The following ALCAM variants were observed in gnomAD, a reference collection of about 807,000 sequenced individuals.
The protein encoded by ALCAM is activated leukocyte cell adhesion molecule.
Under a neutral mutation model 70.9 loss-of-function variants are expected in ALCAM, and 30 were observed. The observed-to-expected ratio is 0.42, with a 90% CI of 0.32 to 0.57. The LOEUF (loss-of-function observed/expected upper bound fraction) is 0.57. Ranked by LOEUF, ALCAM falls within the 20% of genes least tolerant of loss-of-function variation. The pLI is 0.11. For synonymous variants in ALCAM, 249 were observed against 242.5 expected, an observed-to-expected ratio of 1.03 and a Z score of -0.25; for missense variants, 591 against 695.1, an observed-to-expected ratio of 0.85 and a Z score of 1.68.
chr3:105,410,833 A>C (rs1259150918), intron 1 of ALCAM, among the ~76,000 whole-genome samples: 1 of 78,004 alleles, frequency 1.3e-5, no homozygotes, highest in Non-Finnish European at 2.6e-5. Context: ...ATTGTGGGGC[A>C]CTTTGAAAAT....
chr3:105,495,338 T>C (rs530854266), intron 1 of ALCAM, among the ~76,000 whole-genome samples: 1 of 152,150 alleles, frequency 6.6e-6, no homozygotes, highest in East Asian at 1.9e-4. Flanking sequence ...TCTCTATAAG[T>C]AGGAAACTTT....
chr3:105,490,957 T>G (rs958450384), intron 1 of ALCAM, among the ~76,000 whole-genome samples: 2 of 152,216 alleles, frequency 1.3e-5, no homozygotes, highest in African/African-American at 4.8e-5. Flanking sequence ...ACTCCACATT[T>G]CCCTTCTGCA....
chr3:105,506,268 T>TA (rs1939075335), intron 1 of ALCAM, among the ~76,000 whole-genome samples: 1 of 152,208 alleles, frequency 6.6e-6, no homozygotes, highest in South Asian at 2.1e-4. Flanking sequence ...GTGGTGTTCT[T>TA]ATTAGCTGTT....
intron 3 of ALCAM, among the ~76,000 whole-genome samples, chr3:105,526,402 A>C (rs1939707122): frequency 6.6e-6 from 1 of 152,164 alleles, no homozygotes; most frequent in Non-Finnish European, 1.5e-5. Context: ...CTAATTCAAT[A>C]AAATTTATCA....
chr3:105,474,604 AG>A (rs1371624416), intron 1 of ALCAM, among the ~76,000 whole-genome samples: 2 of 143,018 alleles, frequency 1.4e-5, no homozygotes, highest in African/African-American at 2.7e-5. Context: ...CGAAAAAAAA[AG>A]AGAGAGAGAG....
chr3:105,517,900 G>A lies in ALCAM; in HGVS notation c.74-2167G>A, dbSNP rs181023498. ...AGTAGGTGCCCATTAGATGCTAGGC[G>A]TTGTTTCTGGAGATACAAAGCTTAA... On this transcript the variant is annotated intron_variant, in intron 1 of 15. Coordinates refer to ENST00000306107, the MANE Select transcript of ALCAM (RefSeq NM_001627.4). Among the ~76,000 whole-genome samples, 62 of 152,174 alleles carry A rather than the reference G, an allele frequency of 4.1e-4. 2 individuals are homozygous for A. The highest frequency in any genetic ancestry group is 2.2e-3 in the Admixed American group (33 of 15,284).
At position 105,444,772 on chromosome 3, in the gene ALCAM, C is replaced by T. The variant is rs548687899; in HGVS notation, c.74-75295C>T. On this transcript the variant is annotated intron_variant, in intron 1 of 15. Transcript: ENST00000306107. ...ATGCTCTTCATCTCCCTATTTCTAT[C>T]TTTTTTAAAGAAAAGCAGTCAATTA... Among the ~76,000 whole-genome samples, 9 of 152,152 alleles carry T rather than the reference C, an allele frequency of 5.9e-5. No individual in the cohort carries two copies. In the South Asian group the frequency reaches 1.9e-3, roughly 32 times the overall value.
chr3:105,376,062 G>T (rs1935368491), intron 1 of ALCAM, among the ~76,000 whole-genome samples: 1 of 152,038 alleles, frequency 6.6e-6, no homozygotes, highest in African/African-American at 2.4e-5. Flanking sequence ...ATTATGGAAA[G>T]TTCAGTGTGT....
chr3:105,539,853 T>G, intron 6 of ALCAM, 122 bp from the exon 7 acceptor site: 1 of 981,470 alleles, frequency 1.0e-6, no homozygotes, highest in Non-Finnish European at 1.5e-6. Flanking sequence ...AAAGGTATAT[T>G]TAAGCAATTA....
intron 1 of ALCAM, among the ~76,000 whole-genome samples, chr3:105,427,751 G>T (rs1936827238): frequency 6.6e-6 from 1 of 151,818 alleles, no homozygotes; most frequent in Admixed American, 6.6e-5. Context: ...CCGATTTTTA[G>T]ATACACCCAG....
intron 1 of ALCAM, chr3:105,440,878 G>A (rs1305242344): frequency 2.0e-5 from 3 of 152,164 alleles, no homozygotes; most frequent in Non-Finnish European, 4.4e-5. Flanking sequence ...GAGTTACTCT[G>A]GTAGTCCTGG....
intron 1 of ALCAM, among the ~76,000 whole-genome samples, chr3:105,507,896 AC>A (rs896806200): frequency 2.0e-5 from 3 of 151,888 alleles, no homozygotes; most frequent in African/African-American, 7.3e-5. Flanking sequence ...CTACTGTGCT[AC>A]CCCTGCCGTT....
chr3:105,402,176 A>G (rs954008930), intron 1 of ALCAM, among the ~76,000 whole-genome samples: 2 of 152,226 alleles, frequency 1.3e-5, no homozygotes, highest in African/African-American at 2.4e-5. Flanking sequence ...TTTATACTCA[A>G]TGGAAATATT....
intron 1 of ALCAM, among the ~76,000 whole-genome samples, chr3:105,508,595 C>A (rs1295329699): frequency 6.6e-6 from 1 of 152,016 alleles, no homozygotes; most frequent in African/African-American, 2.4e-5. Context: ...ATTTCTAGGT[C>A]TATTTAATCT....
Position 105,367,114 on chromosome 3 carries a change from G to T in ALCAM, c.-295G>T. On this transcript the variant is annotated 5_prime_UTR_variant, in exon 1 of 16. Transcript: ENST00000306107. ...CGAAAAGAACCGCTTACACCTTTCC[G>T]AATTACTCAAGTGTCTCCTGGAAAC... The T allele has an allele frequency of 2.5e-6, 1 of 400,028 alleles. No individual in the cohort carries two copies. Among genetic ancestry groups the T allele is most frequent in the Non-Finnish European group, 4.7e-6 (1 of 214,920 alleles). 24.8% of individuals were successfully genotyped at this position (400,028 alleles called of 1,614,324 possible).
In ALCAM at chr3:105,438,344, G is replaced by A. The variant is rs150598266; in HGVS notation, c.73+70863G>A. Among the ~76,000 whole-genome samples, 179 of 151,882 alleles carry A rather than the reference G, an allele frequency of 1.2e-3. 2 individuals carry two copies. In the East Asian group the frequency reaches 0.029, roughly 25 times the overall value. ...TATTATTCATAATTCGGACTCCTTG[G>A]CATTTTACTTACTTATCTTTATACA... On this transcript the variant is annotated intron_variant, in intron 1 of 15. Transcript: ENST00000306107.
At chr3:105,568,654 G>C (rs560330816) in intron 14 of ALCAM, among the ~76,000 whole-genome samples, 28 of 152,162 alleles carry the variant, frequency 1.8e-4, no homozygotes, top group Non-Finnish European at 3.4e-4. Context: ...CCACCCTGTG[G>C]CTGTCTCCTT....
intron 1 of ALCAM, among the ~76,000 whole-genome samples, chr3:105,368,953 G>A (rs1449909289): frequency 6.6e-6 from 1 of 152,172 alleles, no homozygotes; most frequent in African/African-American, 2.4e-5. Flanking sequence ...GTGTCCTAGT[G>A]TAACAACGCT....
intron 1 of ALCAM, among the ~76,000 whole-genome samples, chr3:105,389,511 A>G (rs1278183731): frequency 1.3e-5 from 2 of 149,638 alleles, no homozygotes; most frequent in Non-Finnish European, 3.0e-5. Context: ...TCTGATTTGA[A>G]TATTTATAAT....
Sources: gnomAD v4.1 joint callset for allele counts (sites outside exome capture counted in the v4.1 genomes callset) on GRCh38, gnomAD v4.1.1 for gene constraint, MANE v1.5 for transcripts, NCBI Gene and HGNC (gene_info 2026-07-23, HGNC 2026-07-21) for gene names.